The following CASZ1 variants were observed in gnomAD, a reference collection of about 807,000 sequenced individuals.
CASZ1 encodes the protein zinc finger protein castor homolog 1.
A neutral mutation model predicts 135.2 loss-of-function variants in CASZ1; 28 were observed. That is an observed-to-expected ratio of 0.21 (90% CI 0.15 to 0.28). CASZ1 has a LOEUF of 0.28. CASZ1 is among the 10% of genes least tolerant of loss of function. CASZ1 has a pLI of 1.00. For missense variants in CASZ1, 2,161 were observed against 2,453.3 expected, an observed-to-expected ratio of 0.88 and a Z score of 2.52; for synonymous variants, 1,068 against 1,073.4, an observed-to-expected ratio of 0.99 and a Z score of 0.10.
In CASZ1 at chr1:10,762,835, C is replaced by T. The variant is rs907424095; in HGVS notation, c.-233-1978G>A. On this transcript the variant is annotated intron_variant, in intron 1 of 20. Transcript: ENST00000377022. This position sits in a 1 kb window ranked among gnomAD's most constrained non-coding sequence, Gnocchi z 4.1. ...ACCACAGGCCAACGGTGAACACTCT[C>T]GGTGTTTCATGTCCTTGGCTCAGAG... Among the ~76,000 whole-genome samples, 2 of 152,214 alleles carry T rather than the reference C, an allele frequency of 1.3e-5. No individual in the cohort carries two copies. Among genetic ancestry groups the T allele is most frequent in the Non-Finnish European group, 2.9e-5 (2 of 68,040 alleles).
chr1:10,686,410 G>A lies in CASZ1; in HGVS notation c.16+7464C>T, dbSNP rs1259001117. ...CACACCAACTATGGGGCAGCCCTGG[G>A]GGGGCTTGTATCACGCCCCCTCTCA... is the stretch of plus-strand genomic sequence containing the variant. On this transcript the variant is annotated intron_variant, in intron 4 of 20. Transcript: ENST00000377022. 5.3e-5 allele frequency among the ~76,000 whole-genome samples: 8 copies of A among 152,342 alleles called. No individual in the cohort carries two copies. The East Asian group carries it at 1.5e-3, about 29-fold the overall frequency.
At position 10,649,168 on chromosome 1, in the gene CASZ1, G is replaced by A. The variant is rs749858052; in HGVS notation, c.3060C>T (p.Asp1020=). The A allele has an allele frequency of 6.2e-6, 10 of 1,613,560 alleles. No individual in the cohort carries two copies. The highest frequency in any genetic ancestry group is 4.4e-5 in the South Asian group (4 of 91,074). ...LRRFGTKDFC[D]GQCDFLHKAH... Reference sequence around the variant, plus strand: ...CCTTGTGGAGGAAGTCACACTGGCCGTCACAGAAGTCCTTTGTACCAAACC... The same window carrying A: ...CCTTGTGGAGGAAGTCACACTGGCCATCACAGAAGTCCTTTGTACCAAACC... Residue 1020 remains aspartate, a synonymous_variant, in exon 15 of 21, where the codon GAC becomes GAT. Transcript: ENST00000377022.
chr1:10,740,960 C>CAAAAAAAAAA (rs374464130), intron 2 of CASZ1, among the ~76,000 whole-genome samples: 12 of 61,458 alleles, frequency 2.0e-4, no homozygotes, highest in South Asian at 1.5e-3. Flanking sequence ...CCTGTCTGGA[C>CAAAAAAAAAA]AAAAAAAAAA....
At chr1:10,786,031 G>A (rs1030299746) in intron 1 of CASZ1, among the ~76,000 whole-genome samples, 13 of 152,310 alleles carry the variant, frequency 8.5e-5, no homozygotes, top group African/African-American at 1.2e-4. Flanking sequence ...CTGATCCCAC[G>A]CGCCGCTCCC....
At position 10,734,676 on chromosome 1, in the gene CASZ1, AAG is replaced by A. The variant is rs201242340; in HGVS notation, c.-77+26023_-77+26024del. Among the ~76,000 whole-genome samples, 197 of 152,134 alleles carry A rather than the reference AAG, an allele frequency of 1.3e-3. No homozygotes were observed. The East Asian group carries it at 0.024, about 19-fold the overall frequency. ...AAGTAAAGAAAAAAAGAGAGAGAGA[AAG>A]AGAGAGAGAGGGAGAAGGGAAGATC... On this transcript the variant is annotated intron_variant, in intron 2 of 20. Coordinates refer to ENST00000377022, the MANE Select transcript of CASZ1 (RefSeq NM_001079843.3).
At position 10,693,005 on chromosome 1, in the gene CASZ1, G is replaced by T. The variant is rs190502861; in HGVS notation, c.16+869C>A. ...TTTGGTTTCAATAGCCAGGGCCCAT[G>T]GGAAGCCCGCAAGAGCTGAAGGCAA... On this transcript the variant is annotated intron_variant, in intron 4 of 20. Coordinates refer to ENST00000377022, the MANE Select transcript of CASZ1 (RefSeq NM_001079843.3). Among the ~76,000 whole-genome samples, 733 of 152,304 alleles carry T rather than the reference G, an allele frequency of 4.8e-3. 9 individuals carry two copies. The highest frequency in any genetic ancestry group is 0.017 in the African/African-American group (711 of 41,552).
chr1:10,658,641 C>T (rs1052763665), intron 6 of CASZ1, 65 bp from the exon 7 acceptor site: 3 of 1,446,514 alleles, frequency 2.1e-6, no homozygotes, highest in Non-Finnish European at 2.9e-6. Flanking sequence ...ACAGGGGCAT[C>T]TGGTGGGCAG....
intron 2 of CASZ1, among the ~76,000 whole-genome samples, chr1:10,729,497 C>A (rs1639664122): frequency 6.6e-6 from 1 of 152,156 alleles, no homozygotes; most frequent in South Asian, 2.1e-4. Flanking sequence ...GAGTGGCAGT[C>A]CACCATCAGG....
At chr1:10,693,756 G>A (rs1383518867) in intron 4 of CASZ1, 118 bp downstream of exon 4, 2 of 482,586 alleles carry the variant, frequency 4.1e-6, no homozygotes, top group Non-Finnish European at 4.1e-6. Context: ...GCAGCCGCCC[G>A]ACCCTCCCGG....
intron 1 of CASZ1, among the ~76,000 whole-genome samples, chr1:10,782,117 T>C (rs1640773480): frequency 6.6e-6 from 1 of 152,234 alleles, no homozygotes; most frequent in African/African-American, 2.4e-5. Flanking sequence ...GCTACCCCTC[T>C]ATAGAGACAG....
chr1:10,660,031 G>T lies in CASZ1; in HGVS notation c.1011C>A (p.Ser337=). Residue 337 remains serine (S), a synonymous_variant, in exon 6 of 21, where the codon TCC becomes TCA. Transcript: ENST00000377022. ...PQNGSTYKKP[S]KYDLENVKYL... ...ACTTGACATTCTCCAGGTCGTACTT[G>T]GATGGCTTCTTGTAGGTGCTCCCGT... The T allele has an allele frequency of 6.2e-7, 1 of 1,614,140 alleles. No individual in the cohort carries two copies.
chr1:10,774,672 C>T lies in CASZ1; in HGVS notation c.-233-13815G>A, dbSNP rs1195670460. On this transcript the variant is annotated intron_variant, in intron 1 of 20. Coordinates refer to ENST00000377022, the MANE Select transcript of CASZ1 (RefSeq NM_001079843.3). The surrounding 1 kb of genome is among the most constrained non-coding windows in gnomAD (Gnocchi z 4.4). The stretch of plus-strand genomic sequence containing the variant: ...GGAGACTGGCCTGACTCTTGGGTAT[C>T]TCCCACCACCTGAGTCAACGCGGAC... Among the ~76,000 whole-genome samples, 3 of 152,152 alleles carry T rather than the reference C, an allele frequency of 2.0e-5. No homozygotes were observed. Among genetic ancestry groups the T allele is most frequent in the Non-Finnish European group, 2.9e-5 (2 of 68,032 alleles).
intron 13 of CASZ1, 148 bp downstream of exon 13, chr1:10,650,544 C>T (rs993996778): frequency 3.2e-5 from 21 of 658,298 alleles, no homozygotes; most frequent in Non-Finnish European, 5.1e-5. Context: ...AAATTATATC[C>T]GATGAAAAAT....
At position 10,650,714 on chromosome 1, in the gene CASZ1, A is replaced by C; in HGVS notation, c.2858T>G (p.Leu953Arg). 2 of 1,613,648 alleles carry C rather than the reference A, an allele frequency of 1.2e-6. No individual in the cohort carries two copies. The highest frequency in any genetic ancestry group is 1.7e-6 in the Non-Finnish European group (2 of 1,179,514). Residue 953 changes from leucine to arginine, a missense_variant, in exon 13 of 21, where the codon CTT becomes CGT. Transcript: ENST00000377022. ...NGHAVPANSS[L>R]LSSLMNKMSQ... The stretch of plus-strand genomic sequence containing the variant: ...TACCTTATTCATAAGCGAGGATAAA[A>C]GAGATGAATTTGCCGGGACTGCGTG...
At chr1:10,705,329 C>T (rs1639149050) in intron 3 of CASZ1, among the ~76,000 whole-genome samples, 163 bp downstream of exon 3, 1 of 152,218 alleles carries the variant, frequency 6.6e-6, no homozygotes, top group Admixed American at 6.5e-5. Flanking sequence ...CTTTTCCCAT[C>T]AGGGCGGAAT....
chr1:10,640,148 C>A, intron 20 of CASZ1, 89 bp from the exon 21 acceptor site: 1 of 1,513,282 alleles, frequency 6.6e-7, no homozygotes, highest in Non-Finnish European at 8.8e-7. Context: ...CCTGATCTGG[C>A]ATGGCGCCAG....
rs1394491662 is a variant in CASZ1, at chr1:10,788,370, C to G, written c.-234+8194G>C. On this transcript the variant is annotated intron_variant, in intron 1 of 20. Transcript: ENST00000377022. This position sits in a 1 kb window ranked among gnomAD's most constrained non-coding sequence, Gnocchi z 4.1. ...GAGTAGTGGTGGGGACCGATCTTGC[C>G]TCCTCCCTCCTGCCCCCCTGCCTCA... Among the ~76,000 whole-genome samples the G allele has an allele frequency of 6.6e-6, 1 of 152,184 alleles. No homozygotes were observed. The highest frequency in any genetic ancestry group is 6.5e-5 in the Admixed American group (1 of 15,276).
At chr1:10,642,679 G>C (rs1173648235) in intron 20 of CASZ1, among the ~76,000 whole-genome samples, 180 bp downstream of exon 20, 1 of 152,200 alleles carries the variant, frequency 6.6e-6, no homozygotes, top group Non-Finnish European at 1.5e-5. Flanking sequence ...CCAGGGAGGC[G>C]GGAGGATGGC....
chr1:10,724,853 A>G lies in CASZ1; in HGVS notation c.-76-19309T>C, dbSNP rs1411532924. On this transcript the variant is annotated intron_variant, in intron 2 of 20. Transcript: ENST00000377022. The surrounding 1 kb of genome is among the most constrained non-coding windows in gnomAD (Gnocchi z 4.1). ...TAAGGGGGACACAGCCAACCTGGGG[A>G]AGAGAAGGTGCTCAACTTCTCTCTT... 6.6e-6 allele frequency among the ~76,000 whole-genome samples: 1 copy of G among 152,188 alleles called. No homozygotes were observed. Among genetic ancestry groups the G allele is most frequent in the Non-Finnish European group, 1.5e-5 (1 of 68,030 alleles).
Sources: allele counts gnomAD v4.1 joint callset (sites outside exome capture counted in the v4.1 genomes callset), GRCh38; gene constraint gnomAD v4.1.1; non-coding constraint Gnocchi (gnomAD v3.1); transcripts MANE v1.5; gene names NCBI Gene and HGNC (gene_info 2026-07-23, HGNC 2026-07-21).